Variants in FAT3 observed in about 807,000 individuals in gnomAD.
FAT3 encodes the protein FAT atypical cadherin 3.
A neutral mutation model predicts 310.2 loss-of-function variants in FAT3; 95 were observed. The ratio of observed to expected loss-of-function variants is 0.31; its 90% CI spans 0.26 to 0.36. The LOEUF is 0.36. Among genes scored for constraint, FAT3 ranks in the 10% least tolerant of loss-of-function variants. The pLI, the probability that FAT3 is intolerant of heterozygous loss-of-function variation, is 1.00. For missense variants in FAT3, 5,408 were observed against 5,715.6 expected (o/e 0.95, Z 1.74); for synonymous variants, 2,314 against 2,192.9 (o/e 1.06, Z -1.54).
chr11:92,880,821 G>T lies in FAT3; in HGVS notation c.12218G>T (p.Gly4073Val), dbSNP rs1401297039. 6.2e-7 allele frequency: 1 copy of T among 1,613,938 alleles called. No individual in the cohort carries two copies. Among genetic ancestry groups the T allele is most frequent in the South Asian group, 1.1e-5 (1 of 91,078 alleles). Residue 4073 changes from glycine to valine, a missense_variant, in exon 23 of 28, where the codon GGA becomes GTA. Around this residue, in one of 5 missense-constraint regions of FAT3, gnomAD observed 649 missense variants for 666.2 expected, o/e 0.97. Transcript: ENST00000525166. ...TTCCCAAACCCCTGCCGGAATGGAG[G>T]ATCCTGCGATCCAATAGGAAACACT... ...ACFPNPCRNGGSCDPIGNTFI... is the reference protein window; with the variant it reads ...ACFPNPCRNGVSCDPIGNTFI...
chr11:92,445,148 A>G (rs539352465), intron 2 of FAT3, among the ~76,000 whole-genome samples: 1 of 152,354 alleles, frequency 6.6e-6, no homozygotes, highest in African/African-American at 2.4e-5. Flanking sequence ...AAACTATGAG[A>G]AAATAAAATA....
At chr11:92,722,273 C>G (rs1001891542) in intron 4 of FAT3, among the ~76,000 whole-genome samples, 17 of 152,142 alleles carry the variant, frequency 1.1e-4, no homozygotes, top group Non-Finnish European at 2.5e-4. Context: ...AAAGGGGTTA[C>G]AGGCCCCCTG....
chr11:92,856,134 C>T (rs939236661), intron 19 of FAT3, among the ~76,000 whole-genome samples: 1 of 152,074 alleles, frequency 6.6e-6, no homozygotes, highest in African/African-American at 2.4e-5. Flanking sequence ...GCATGAACCA[C>T]TGCACTTGGC....
chr11:92,696,265 A>G (rs993289772), intron 3 of FAT3, among the ~76,000 whole-genome samples: 3 of 152,146 alleles, frequency 2.0e-5, no homozygotes, highest in Non-Finnish European at 4.4e-5. Context: ...TCCTGTGGGC[A>G]GTGTGGAGGT....
At chr11:92,597,988 G>A (rs1327078473) in intron 3 of FAT3, among the ~76,000 whole-genome samples, 1 of 152,044 alleles carries the variant, frequency 6.6e-6, no homozygotes, top group African/African-American at 2.4e-5. Flanking sequence ...ATTGGGGAAT[G>A]ATCAAACATG....
intron 2 of FAT3, among the ~76,000 whole-genome samples, chr11:92,380,081 G>GTGTGTC (rs1297513224): frequency 1.3e-5 from 2 of 149,386 alleles, no homozygotes; most frequent in Admixed American, 6.7e-5. Context: ...TCGTGTGTGT[G>GTGTGTC]TGTGTGTGTG....
Position 92,798,319 on chromosome 11 carries a change from T to C in FAT3, c.5306T>C (p.Phe1769Ser), listed in dbSNP as rs1947231716. 2 of 1,613,712 alleles carry C rather than the reference T, an allele frequency of 1.2e-6. No individual in the cohort carries two copies. The highest frequency in any genetic ancestry group is 3.3e-5 in the Admixed American group (2 of 59,988). ...IVDENDNAPV[F>S]LFSQYSGSLS... The stretch of plus-strand genomic sequence containing the variant: ...GATGAAAATGATAATGCCCCAGTTT[T>C]TCTCTTTTCTCAATACTCAGGCAGC... The change falls in exon 10 of 28, where the codon TTT becomes TCT. Residue 1769 changes from phenylalanine to serine, a missense_variant. Coordinates refer to ENST00000525166, the MANE Select transcript of FAT3 (RefSeq NM_001367949.2).
At chr11:92,548,500 C>A (rs528227460) in intron 3 of FAT3, among the ~76,000 whole-genome samples, 1 of 152,152 alleles carries the variant, frequency 6.6e-6, no homozygotes. Flanking sequence ...AAAGGAAATT[C>A]GCAAAATGAT....
chr11:92,800,689 A>T lies in FAT3; in HGVS notation c.7676A>T (p.Asp2559Val), dbSNP rs778830279. 1 of 1,613,820 alleles carries T rather than the reference A, an allele frequency of 6.2e-7. No homozygotes were observed. The highest frequency in any genetic ancestry group is 1.1e-5 in the South Asian group (1 of 91,040). Residue 2559 changes from aspartate to valine, a missense_variant, in exon 10 of 28, where the codon GAC becomes GTC. Physicochemically the swap from Asp to Val is radical, Grantham distance 152. Transcript: ENST00000525166. ...NGQVITTERL[D>V]RENPLEGDVS... Reference sequence around the variant, plus strand: ...CAGGTCATCACCACAGAAAGGCTAGACCGGGAAAACCCTCTAGAAGGGGAT... The same window carrying T: ...CAGGTCATCACCACAGAAAGGCTAGTCCGGGAAAACCCTCTAGAAGGGGAT...
intron 1 of FAT3, among the ~76,000 whole-genome samples, chr11:92,236,014 G>A (rs1158463302): frequency 6.6e-6 from 1 of 152,202 alleles, no homozygotes; most frequent in Non-Finnish European, 1.5e-5. Flanking sequence ...AGTTCTTTGT[G>A]TCTCAAGAAA....
intron 4 of FAT3, among the ~76,000 whole-genome samples, chr11:92,728,185 G>A (rs1024935291): frequency 2.0e-5 from 3 of 152,164 alleles, no homozygotes; most frequent in Non-Finnish European, 4.4e-5. Flanking sequence ...ACCAGAAAAC[G>A]AGTTGTCCAT....
At chr11:92,805,398 A>G (rs2136200607) in intron 11 of FAT3, 49 bp downstream of exon 11, 1 of 1,538,002 alleles carries the variant, frequency 6.5e-7, no homozygotes, top group Non-Finnish European at 8.8e-7. Context: ...CTCCAAAATA[A>G]AATAAAAACC....
intron 4 of FAT3, among the ~76,000 whole-genome samples, chr11:92,713,107 G>A (rs1012868221): frequency 6.6e-6 from 1 of 152,186 alleles, no homozygotes; most frequent in Non-Finnish European, 1.5e-5. Flanking sequence ...GAAAAATACA[G>A]CTTCTGGAAG....
At chr11:92,444,213 G>A (rs138723845) in intron 2 of FAT3, among the ~76,000 whole-genome samples, 1,663 of 152,156 alleles carry the variant, frequency 0.011, 17 homozygotes, top group Non-Finnish European at 0.014. Flanking sequence ...TTTCAAAGGC[G>A]AGTCATTTCC....
intron 2 of FAT3, among the ~76,000 whole-genome samples, chr11:92,521,549 T>C (rs1953684111): frequency 6.6e-6 from 1 of 152,136 alleles, no homozygotes; most frequent in African/African-American, 2.4e-5. Flanking sequence ...AAACTTTTGG[T>C]GTACATTTAA....
chr11:92,497,458 A>G (rs981114621), intron 2 of FAT3, among the ~76,000 whole-genome samples: 6 of 152,056 alleles, frequency 3.9e-5, no homozygotes, highest in Non-Finnish European at 7.4e-5. Context: ...GCTCTTGCAC[A>G]TACATTTTTC....
intron 3 of FAT3, among the ~76,000 whole-genome samples, chr11:92,588,002 G>A (rs1012710389): frequency 2.0e-5 from 3 of 151,976 alleles, no homozygotes; most frequent in African/African-American, 7.2e-5. Context: ...AAAGTCTGCT[G>A]TAAATCCCTC....
At chr11:92,342,831 G>A (rs920114358) in intron 1 of FAT3, among the ~76,000 whole-genome samples, 1 of 151,952 alleles carries the variant, frequency 6.6e-6, no homozygotes, top group Non-Finnish European at 1.5e-5. Flanking sequence ...CATTTTTCTG[G>A]CACATTTTTT....
chr11:92,452,929 A>G (rs1310867140), intron 2 of FAT3, among the ~76,000 whole-genome samples: 1 of 151,916 alleles, frequency 6.6e-6, no homozygotes, highest in Non-Finnish European at 1.5e-5. Context: ...GTGTGCTGCC[A>G]TACCCAGCTA....
Sources: allele counts gnomAD v4.1 joint callset (sites outside exome capture counted in the v4.1 genomes callset), GRCh38; gene constraint gnomAD v4.1.1; regional missense constraint gnomAD v4.1.1; transcripts MANE v1.5; gene names NCBI Gene and HGNC (gene_info 2026-07-23, HGNC 2026-07-21).